RIMS3: variants seen among roughly 807,000 people sequenced by gnomAD.
RIMS3 encodes regulating synaptic membrane exocytosis protein 3.
A neutral mutation model predicts 29.2 loss-of-function variants in RIMS3; 15 were observed. The observed-to-expected ratio is 0.51, with a 90% confidence interval of 0.34 to 0.79. The LOEUF is 0.79. Among genes scored for constraint, RIMS3 ranks in the 30% least tolerant of loss-of-function variants. The pLI, the probability that RIMS3 is intolerant of heterozygous loss-of-function variation, is 0.01. For missense variants in RIMS3, 342 were observed against 421.4 expected (o/e 0.81, Z 1.65); for synonymous variants, 161 against 170.1 (o/e 0.95, Z 0.41).
At chr1:40,670,574 T>TTATACATATATATATA (rs1642479981), upstream of RIMS3, among the ~76,000 whole-genome samples, 1 of 71,210 alleles carries the variant, frequency 1.4e-5, no homozygotes, top group Non-Finnish European at 2.4e-5. Flanking sequence ...AGTTATAATT[T>TTATACATATATATATA]TATATATATA....
At chr1:40,639,551 GC>G (rs201400857) in intron 3 of RIMS3, among the ~76,000 whole-genome samples, 2,010 of 152,304 alleles carry the variant, frequency 0.013, 43 homozygotes, top group African/African-American at 0.046. Flanking sequence ...GAAGCTGGGT[GC>G]CTTTGCATAC....
chr1:40,641,896 T>G lies in RIMS3; in HGVS notation c.30A>C (p.Ser10=), dbSNP rs666631. 3,256 of 1,613,744 alleles carry G rather than the reference T, an allele frequency of 2.0e-3. 56 individuals carry two copies. In the African/African-American group the frequency reaches 0.038, roughly 19 times the overall value. MFNGEPGPA[S]SGASRNVVRS... Reference sequence around the variant, plus strand: ...GCACCACATTCCTGGAGGCCCCAGATGAGGCAGGACCTGGCTCCCCGTTAA... The same window carrying G: ...GCACCACATTCCTGGAGGCCCCAGAGGAGGCAGGACCTGGCTCCCCGTTAA... The change falls in exon 3 of 8, where the codon TCA becomes TCC. Residue 10 remains serine (S), a synonymous_variant. Coordinates refer to ENST00000372684, the MANE Select transcript of RIMS3 (RefSeq NM_014747.3).
At chr1:40,638,125 G>C (rs1302617344) in intron 3 of RIMS3, among the ~76,000 whole-genome samples, 1 of 152,086 alleles carries the variant, frequency 6.6e-6, no homozygotes, top group Non-Finnish European at 1.5e-5. Context: ...AGATACTTTG[G>C]CTACCCCTCC....
chr1:40,655,927 C>T (rs555540873), intron 1 of RIMS3, among the ~76,000 whole-genome samples: 61 of 152,344 alleles, frequency 4.0e-4, no homozygotes, highest in African/African-American at 8.9e-4. Context: ...ATAGGAGAAT[C>T]GCTTGAACCC....
At chr1:40,651,963 T>A (rs1173268270) in intron 1 of RIMS3, among the ~76,000 whole-genome samples, 2 of 152,226 alleles carry the variant, frequency 1.3e-5, no homozygotes, top group African/African-American at 4.8e-5. Flanking sequence ...ACTGCTTTTT[T>A]ATTGATTAAT....
chr1:40,689,594 C>T, the RIMS3 span, among the ~76,000 whole-genome samples: 1 of 152,026 alleles, frequency 6.6e-6, no homozygotes, highest in African/African-American at 2.4e-5. Context: ...CATGCCATTT[C>T]TACTCATATT....
intron 2 of RIMS3, among the ~76,000 whole-genome samples, chr1:40,645,848 G>C (rs1646591946): frequency 6.6e-6 from 1 of 152,200 alleles, no homozygotes; most frequent in South Asian, 2.1e-4. Context: ...ACCATCCAGA[G>C]CTATTTTCTC....
chr1:40,674,027 A>G, the RIMS3 span, among the ~76,000 whole-genome samples: 1 of 152,258 alleles, frequency 6.6e-6, no homozygotes, highest in Non-Finnish European at 1.5e-5. Flanking sequence ...TGAACACTTT[A>G]GAAGATGCAT....
At position 40,636,532 on chromosome 1, in the gene RIMS3, A is replaced by G. The variant is rs993617593; in HGVS notation, c.218-475T>C. On this transcript the variant is annotated intron_variant, in intron 3 of 7. Coordinates refer to ENST00000372684, the MANE Select transcript of RIMS3 (RefSeq NM_014747.3). This position sits in a 1 kb window ranked among gnomAD's most constrained non-coding sequence, Gnocchi z 4.2. The stretch of plus-strand genomic sequence containing the variant: ...CTATCACACCCAGACCTCACAACTC[A>G]CCTCTGATACCTCTGGAGGCTCTAT... Among the ~76,000 whole-genome samples the G allele has an allele frequency of 6.6e-6, 1 of 151,400 alleles. No individual in the cohort carries two copies. The highest frequency in any genetic ancestry group is 2.4e-5 in the African/African-American group (1 of 41,156).
chr1:40,666,359 A>G (rs940656978), upstream of RIMS3, among the ~76,000 whole-genome samples: 2 of 152,212 alleles, frequency 1.3e-5, no homozygotes, highest in Non-Finnish European at 2.9e-5. Context: ...GCGTCTCATG[A>G]GAAGAGACCA....
intron 1 of RIMS3, among the ~76,000 whole-genome samples, chr1:40,652,196 A>C (rs1339227843): frequency 6.6e-6 from 1 of 152,168 alleles, no homozygotes; most frequent in African/African-American, 2.4e-5. Flanking sequence ...GGAGAATACC[A>C]CTACTCCTGG....
Position 40,653,921 on chromosome 1 carries a change from TAAGATACAC to T in RIMS3, c.-206-6088_-206-6080del, listed in dbSNP as rs528960795. ...CTAGCTGGTGGATACTGGATCCCAA[TAAGATACAC>T]ATTTGGTTCCTCTGCTCCCCCTTCC... is the stretch of plus-strand genomic sequence containing the variant. On this transcript the variant is annotated intron_variant, in intron 1 of 7. Coordinates refer to ENST00000372684, the MANE Select transcript of RIMS3 (RefSeq NM_014747.3). Among the ~76,000 whole-genome samples the T allele has an allele frequency of 3.6e-3, 547 of 152,184 alleles. 1 individual carries two copies. The highest frequency in any genetic ancestry group is 7.7e-3 in the Admixed American group (118 of 15,300).
chr1:40,652,374 C>G (rs1642180471), intron 1 of RIMS3, among the ~76,000 whole-genome samples: 1 of 152,200 alleles, frequency 6.6e-6, no homozygotes, highest in African/African-American at 2.4e-5. Flanking sequence ...CCAAGTGATG[C>G]CCAAGATGCT....
intron 1 of RIMS3, among the ~76,000 whole-genome samples, chr1:40,655,756 A>G (rs191283777): frequency 1.5e-4 from 23 of 152,222 alleles, no homozygotes; most frequent in Non-Finnish European, 3.1e-4. Flanking sequence ...TGTAATCCCA[A>G]TACTTTGGGA....
chr1:40,682,206 TC>T, the RIMS3 span, among the ~76,000 whole-genome samples: 2 of 152,162 alleles, frequency 1.3e-5, no homozygotes, highest in Admixed American at 1.3e-4. Context: ...TGGCTTACTT[TC>T]ATTCATTCAT....
the RIMS3 span, among the ~76,000 whole-genome samples, chr1:40,685,302 ATATTAATATATATAAT>A: frequency 0.035 from 689 of 19,822 alleles, 5 homozygotes; most frequent in African/African-American, 0.15. Context: ...TATATTATAT[ATATTAATATATATAAT>A]TATTAATATA....
At chr1:40,691,596 TC>T in the RIMS3 span, 3 of 356,314 alleles carry the variant, frequency 8.4e-6, no homozygotes, top group Admixed American at 3.3e-5. Context: ...CCCTCTGTCG[TC>T]GCCCCTTCCC....
chr1:40,630,085 AAAAG>A (rs1450232135), intron 5 of RIMS3, among the ~76,000 whole-genome samples: 1 of 151,646 alleles, frequency 6.6e-6, no homozygotes, highest in Non-Finnish European at 1.5e-5. Flanking sequence ...AAAAAAAAAA[AAAAG>A]AAAGAAAGAA....
At chr1:40,634,449 A>G (rs932605460) in intron 4 of RIMS3, among the ~76,000 whole-genome samples, 2 of 152,248 alleles carry the variant, frequency 1.3e-5, no homozygotes, top group African/African-American at 4.8e-5. Flanking sequence ...TCAAGGTCAC[A>G]GAATTTTAGG....
Sources: gnomAD v4.1 joint callset for allele counts (sites outside exome capture counted in the v4.1 genomes callset) on GRCh38, gnomAD v4.1.1 for gene constraint, Gnocchi (gnomAD v3.1) non-coding constraint, MANE v1.5 for transcripts, NCBI Gene and HGNC (gene_info 2026-07-23, HGNC 2026-07-21) for gene names.